Variants in ADCY8 observed in about 807,000 individuals in gnomAD.
ADCY8 encodes the protein adenylate cyclase 8.
ADCY8 carries 51 observed loss-of-function variants against 119.7 expected under a neutral mutation model. The observed-to-expected ratio is 0.43, with a 90% CI of 0.34 to 0.54. ADCY8 has a LOEUF of 0.54. ADCY8 is among the 20% of genes least tolerant of loss of function. The pLI is 0.03. For missense variants in ADCY8, 1,383 were observed against 1,598.8 expected, an observed-to-expected ratio of 0.87 and a Z score of 2.30; for synonymous variants, 665 against 651.0, an observed-to-expected ratio of 1.02 and a Z score of -0.33.
intron 8 of ADCY8, among the ~76,000 whole-genome samples, chr8:130,873,696 C>T (rs12155610): frequency 0.35 from 52,478 of 151,918 alleles, 9,947 homozygotes; most frequent in East Asian, 0.56. Flanking sequence ...TGTCATCTTG[C>T]TCCAATCTTT....
At chr8:130,813,757 T>A (rs2130168701) in intron 14 of ADCY8, among the ~76,000 whole-genome samples, 1 of 152,336 alleles carries the variant, frequency 6.6e-6, no homozygotes, top group South Asian at 2.1e-4. Context: ...AGTGAAATTG[T>A]TGTGTATATA....
intron 1 of ADCY8, among the ~76,000 whole-genome samples, chr8:130,991,533 C>A (rs1004358267): frequency 2.0e-5 from 3 of 152,118 alleles, no homozygotes; most frequent in South Asian, 4.1e-4. Flanking sequence ...GAACTGCAGT[C>A]CAAAAGACAG....
At chr8:131,028,793 A>T (rs1330134867) in intron 1 of ADCY8, among the ~76,000 whole-genome samples, 1 of 152,160 alleles carries the variant, frequency 6.6e-6, no homozygotes, top group African/African-American at 2.4e-5. Flanking sequence ...GCTTTGTCCG[A>T]TATCTTCCCC....
At chr8:130,975,752 T>A (rs754956559) in intron 2 of ADCY8, among the ~76,000 whole-genome samples, 1 of 152,212 alleles carries the variant, frequency 6.6e-6, no homozygotes, top group African/African-American at 2.4e-5. Flanking sequence ...CTAACTCTAT[T>A]GTCTATGTAG....
At chr8:130,807,272 G>C (rs537258011) in intron 14 of ADCY8, among the ~76,000 whole-genome samples, 1 of 152,324 alleles carries the variant, frequency 6.6e-6, no homozygotes, top group African/African-American at 2.4e-5. Context: ...CAGCATGGGA[G>C]AAACTATGTC....
chr8:130,821,716 G>C (rs562577566), intron 12 of ADCY8, among the ~76,000 whole-genome samples: 2 of 152,126 alleles, frequency 1.3e-5, no homozygotes, highest in Non-Finnish European at 2.9e-5. Flanking sequence ...ACATTTTATA[G>C]ATTTTAAACA....
intron 12 of ADCY8, among the ~76,000 whole-genome samples, chr8:130,832,693 G>A (rs1277796906): frequency 2.6e-5 from 4 of 152,128 alleles, no homozygotes. Context: ...CAATGAACCT[G>A]GAGTTATATT....
intron 2 of ADCY8, among the ~76,000 whole-genome samples, chr8:130,980,110 G>A (rs1003981521): frequency 6.6e-6 from 1 of 152,006 alleles, no homozygotes; most frequent in African/African-American, 2.4e-5. Context: ...CAGATGCCTC[G>A]CTCCAACCTC....
At chr8:130,881,736 T>G (rs922114559) in intron 8 of ADCY8, among the ~76,000 whole-genome samples, 1 of 152,182 alleles carries the variant, frequency 6.6e-6, no homozygotes, top group African/African-American at 2.4e-5. Flanking sequence ...TGCACCTTAT[T>G]ATCAGGGGAA....
At chr8:130,989,775 T>G (rs1224087145) in intron 2 of ADCY8, among the ~76,000 whole-genome samples, 1 of 152,226 alleles carries the variant, frequency 6.6e-6, no homozygotes, top group Non-Finnish European at 1.5e-5. Flanking sequence ...AAGCTACTTT[T>G]AAGTTCTTAT....
chr8:130,859,963 G>T (rs1184565160), intron 9 of ADCY8, among the ~76,000 whole-genome samples: 2 of 152,078 alleles, frequency 1.3e-5, no homozygotes, highest in Non-Finnish European at 2.9e-5. Context: ...TGATGTCTTT[G>T]TGTGGCTGAT....
intron 5 of ADCY8, among the ~76,000 whole-genome samples, chr8:130,911,810 C>A (rs1366788290): frequency 6.6e-6 from 1 of 150,958 alleles, no homozygotes; most frequent in Non-Finnish European, 1.5e-5. Context: ...ATTAGATATG[C>A]ATATCTTCAT....
In ADCY8 at chr8:130,869,968, TC is replaced by T. The variant is rs1818286340; in HGVS notation, c.2110-2023del. Among the ~76,000 whole-genome samples the T allele has an allele frequency of 6.2e-4, 12 of 19,432 alleles. No individual in the cohort carries two copies. In the South Asian group the frequency reaches 0.031, roughly 51 times the overall value. 12.7% of individuals were successfully genotyped at this position (19,432 alleles called of 152,430 possible). On this transcript the variant is annotated intron_variant, in intron 8 of 17. Transcript: ENST00000286355. ...TCTTCTTCTTCTTCTTCTTCCTTCT[TC>T]CTTCTTCCTCCTCCTCCTCCTCCTC...
chr8:130,887,304 A>G (rs1054165333), intron 7 of ADCY8, among the ~76,000 whole-genome samples: 1 of 152,060 alleles, frequency 6.6e-6, no homozygotes, highest in Non-Finnish European at 1.5e-5. Context: ...TCCACATTCT[A>G]TTGGCTGTCT....
At chr8:130,944,944 T>C (rs78673752) in intron 3 of ADCY8, among the ~76,000 whole-genome samples, 7,435 of 152,210 alleles carry the variant, frequency 0.049, 303 homozygotes, top group East Asian at 0.2. Context: ...TGATGATCAC[T>C]GTGATTGAAG....
intron 11 of ADCY8, among the ~76,000 whole-genome samples, chr8:130,845,595 C>T (rs141907946): frequency 7.5e-4 from 114 of 152,188 alleles, no homozygotes; most frequent in African/African-American, 2.6e-3. Flanking sequence ...GCCCCTCAAA[C>T]CAAGAATTTC....
chr8:131,030,183 G>C (rs1443621998), intron 1 of ADCY8, among the ~76,000 whole-genome samples: 2 of 152,110 alleles, frequency 1.3e-5, no homozygotes, highest in Non-Finnish European at 2.9e-5. Context: ...TCTCAGGGCA[G>C]CTCTTCAGTT....
rs1265360584 is a variant in ADCY8 at position 130,977,759 on chromosome 8, A to C, written c.1110+12634T>G. Among the ~76,000 whole-genome samples the C allele has an allele frequency of 2.0e-5, 3 of 152,350 alleles. No individual in the cohort carries two copies. In the East Asian group the frequency reaches 5.8e-4, roughly 29 times the overall value. On this transcript the variant is annotated intron_variant, in intron 2 of 17. Coordinates refer to ENST00000286355, the MANE Select transcript of ADCY8 (RefSeq NM_001115.3). ...AGGTACTTGTCCTAGGACACACAGC[A>C]AGTAAGTGGCAGCACCCAGATGTGC...
chr8:130,890,224 A>G (rs1170138756), intron 7 of ADCY8, among the ~76,000 whole-genome samples: 6 of 143,178 alleles, frequency 4.2e-5, no homozygotes, highest in African/African-American at 1.3e-4. Context: ...GTGGGGAGGG[A>G]TAGCATTTGG....
Sources: allele counts gnomAD v4.1 joint callset (sites outside exome capture counted in the v4.1 genomes callset), GRCh38; gene constraint gnomAD v4.1.1; transcripts MANE v1.5; gene names NCBI Gene and HGNC (gene_info 2026-07-23, HGNC 2026-07-21).